Variants in AKAP12 observed in about 807,000 individuals in gnomAD.
The protein encoded by AKAP12 is A-kinase anchoring protein 12.
AKAP12 carries 32 observed loss-of-function variants against 79.9 expected under a neutral mutation model. The observed-to-expected ratio is 0.40, with a 90% CI of 0.30 to 0.54. The LOEUF (loss-of-function observed/expected upper bound fraction) is 0.54, where lower values mean the gene tolerates loss of function less well. Among genes scored for constraint, AKAP12 ranks in the 20% least tolerant of loss-of-function variants. The probability of loss-of-function intolerance (pLI) is 0.48; values close to 1 mark genes in which losing one functional copy is unlikely to be tolerated. For synonymous variants in AKAP12, 808 were observed against 857.0 expected (o/e 0.94, Z 1.00); for missense variants, 2,074 against 2,177.0 (o/e 0.95, Z 0.94).
chr6:151,252,220 A>C (rs1289309457), intron 2 of AKAP12, among the ~76,000 whole-genome samples: 1 of 147,886 alleles, frequency 6.8e-6, no homozygotes, highest in Non-Finnish European at 1.5e-5. Context: ...TTTTTCTGAG[A>C]TGGAGTCTCG....
At chr6:151,317,140 A>G (rs1209077181) in intron 3 of AKAP12, among the ~76,000 whole-genome samples, 1 of 143,690 alleles carries the variant, frequency 7.0e-6, no homozygotes, top group African/African-American at 2.5e-5. Context: ...GGGAACAGAG[A>G]AATGTTAGTA....
At chr6:151,253,095 T>C (rs1797218041) in intron 2 of AKAP12, among the ~76,000 whole-genome samples, 1 of 152,232 alleles carries the variant, frequency 6.6e-6, no homozygotes, top group South Asian at 2.1e-4. Flanking sequence ...GCCCTGGGTT[T>C]TACCTGCCAC....
At chr6:151,267,010 A>T (rs921814275) in intron 2 of AKAP12, among the ~76,000 whole-genome samples, 1 of 119,186 alleles carries the variant, frequency 8.4e-6, no homozygotes, top group Non-Finnish European at 1.7e-5. Flanking sequence ...GCGAGACTCC[A>T]TCTCAAAAAA....
Position 151,350,500 on chromosome 6 carries a change from A to G in AKAP12, c.2109A>G (p.Gly703=). 1.2e-6 allele frequency: 2 copies of G among 1,614,042 alleles called. No homozygotes were observed. Among genetic ancestry groups the G allele is most frequent in the Admixed American group, 1.7e-5 (1 of 60,006 alleles). Residue 703 remains glycine, a synonymous_variant, in exon 4 of 5, where the codon GGA becomes GGG. Transcript: ENST00000402676. The surrounding 1 kb of genome is among the most constrained non-coding windows in gnomAD (Gnocchi z 4.8). ...RRGSSSDEEG[G]PKAMGGDHQK... ...GGTCCTCTTCTGATGAGGAAGGGGG[A>G]CCAAAAGCAATGGGAGGAGACCACC...
chr6:151,302,129 G>A (rs1479629313), intron 2 of AKAP12, among the ~76,000 whole-genome samples: 1 of 151,572 alleles, frequency 6.6e-6, no homozygotes, highest in African/African-American at 2.4e-5. Context: ...TCCTGCCTCA[G>A]CTTCCCTAGT....
chr6:151,240,832 C>A, intron 2 of AKAP12, 108 bp downstream of exon 2: 1 of 978,474 alleles, frequency 1.0e-6, no homozygotes, highest in Non-Finnish European at 1.3e-6. Flanking sequence ...CCAGCCCATC[C>A]AGCCGCATCT....
chr6:151,343,941 A>G (rs1446939849), intron 3 of AKAP12: 1 of 459,896 alleles, frequency 2.2e-6, no homozygotes, highest in African/African-American at 2.1e-5. Flanking sequence ...CATGCTTTAA[A>G]AAATAATGGG....
At chr6:151,347,555 TAA>T (rs1418258609) in intron 3 of AKAP12, among the ~76,000 whole-genome samples, 1 of 152,208 alleles carries the variant, frequency 6.6e-6, no homozygotes, top group African/African-American at 2.4e-5. Context: ...TTTTGATAGT[TAA>T]GTTTGTCAAC....
intron 2 of AKAP12, among the ~76,000 whole-genome samples, chr6:151,274,851 C>G (rs1776259607): frequency 6.6e-6 from 1 of 152,056 alleles, no homozygotes; most frequent in Admixed American, 6.6e-5. Context: ...TCCTGTAATC[C>G]CAGCACTTTG....
chr6:151,267,114 C>A (rs1385112165), intron 2 of AKAP12, among the ~76,000 whole-genome samples: 1 of 144,840 alleles, frequency 6.9e-6, no homozygotes, highest in Non-Finnish European at 1.5e-5. Flanking sequence ...ACTTTCATTT[C>A]TCTTTCTTGA....
At chr6:151,331,841 C>CA (rs2114794561) in intron 3 of AKAP12, among the ~76,000 whole-genome samples, 1 of 148,808 alleles carries the variant, frequency 6.7e-6, no homozygotes, top group South Asian at 2.2e-4. Context: ...GCCAAGATTG[C>CA]ACCAACGCAC....
chr6:151,262,770 C>T (rs183527591), intron 2 of AKAP12, among the ~76,000 whole-genome samples: 8 of 152,200 alleles, frequency 5.3e-5, no homozygotes, highest in Admixed American at 5.2e-4. Flanking sequence ...TAATTTTTAT[C>T]ACAAAATAAT....
At chr6:151,277,351 G>T (rs760774687) in intron 2 of AKAP12, among the ~76,000 whole-genome samples, 2 of 152,128 alleles carry the variant, frequency 1.3e-5, no homozygotes, top group Non-Finnish European at 2.9e-5. Flanking sequence ...AGGAGTACTC[G>T]TATGATAACC....
chr6:151,261,733 T>TTTTATTTA (rs59211098), intron 2 of AKAP12, among the ~76,000 whole-genome samples: 5,912 of 143,968 alleles, frequency 0.041, 299 homozygotes, highest in East Asian at 0.16. Flanking sequence ...GTTTTTATTA[T>TTTTATTTA]TTTATTTATT....
intron 3 of AKAP12, among the ~76,000 whole-genome samples, chr6:151,315,459 C>A (rs1363509689): frequency 6.6e-6 from 1 of 152,208 alleles, no homozygotes; most frequent in Non-Finnish European, 1.5e-5. Flanking sequence ...AGGCCCCACC[C>A]TCTAATATCA....
intron 3 of AKAP12, among the ~76,000 whole-genome samples, chr6:151,322,490 T>C (rs2114781078): frequency 6.6e-6 from 1 of 152,316 alleles, no homozygotes; most frequent in Admixed American, 6.5e-5. Context: ...CCTCCCTAAG[T>C]AAACTCCGAA....
rs1562736431 is a variant in AKAP12, at chr6:151,319,461, CTA to C, written c.319+13560_319+13561del. On this transcript the variant is annotated intron_variant, in intron 3 of 4. Coordinates refer to ENST00000402676, the MANE Select transcript of AKAP12 (RefSeq NM_005100.4). ...GGTGTCTGTCTATCTATCTATCTATCTATCTATCTATCTATCTATCTATCTAC... is the reference window on the plus strand; with the variant it reads ...GGTGTCTGTCTATCTATCTATCTATCTCTATCTATCTATCTATCTATCTAC... Among the ~76,000 whole-genome samples the C allele has an allele frequency of 2.1e-5, 3 of 142,408 alleles. No individual in the cohort carries two copies. In the East Asian group the frequency reaches 6.3e-4, roughly 30 times the overall value. 93.4% of individuals were successfully genotyped at this position (142,408 alleles called of 152,430 possible).
At chr6:151,290,501 A>AATGAGG (rs1007497127) in intron 2 of AKAP12, among the ~76,000 whole-genome samples, 1 of 152,042 alleles carries the variant, frequency 6.6e-6, no homozygotes, top group African/African-American at 2.4e-5. Flanking sequence ...GACCCCTGAC[A>AATGAGG]ATGAGGCCCT....
At chr6:151,254,186 A>T (rs865927968) in intron 2 of AKAP12, among the ~76,000 whole-genome samples, 18 of 152,166 alleles carry the variant, frequency 1.2e-4, no homozygotes, top group African/African-American at 4.3e-4. Flanking sequence ...GACCATTACA[A>T]TCTTTGTATT....
Sources: gnomAD v4.1 joint callset for allele counts (sites outside exome capture counted in the v4.1 genomes callset) on GRCh38, gnomAD v4.1.1 for gene constraint, Gnocchi (gnomAD v3.1) non-coding constraint, MANE v1.5 for transcripts, NCBI Gene and HGNC (gene_info 2026-07-23, HGNC 2026-07-21) for gene names.